CSMD1: variants seen among roughly 807,000 people sequenced by gnomAD.
CSMD1 encodes the protein CUB and Sushi multiple domains 1, also known as CUB and sushi domain-containing protein 1.
CSMD1 carries 213 observed loss-of-function variants against 417.5 expected under a neutral mutation model. That is an observed-to-expected ratio of 0.51 (90% CI 0.46 to 0.57). The LOEUF is 0.57. Among genes scored for constraint, CSMD1 ranks in the 20% least tolerant of loss-of-function variants. The pLI is 0.00. For missense variants in CSMD1, 6,923 were observed against 4,529.7 expected, an observed-to-expected ratio of 1.53 and a Z score of -15.17; for synonymous variants, 2,862 against 1,736.8, an observed-to-expected ratio of 1.65 and a Z score of -16.11.
chr8:3,850,316 C>T (rs1430275039), intron 5 of CSMD1, among the ~76,000 whole-genome samples: 1 of 152,158 alleles, frequency 6.6e-6, no homozygotes, highest in Non-Finnish European at 1.5e-5. Flanking sequence ...GCTTTGTTTT[C>T]CATAGGGTCT....
At chr8:4,772,060 T>C (rs1003330741) in intron 1 of CSMD1, among the ~76,000 whole-genome samples, 5 of 152,178 alleles carry the variant, frequency 3.3e-5, no homozygotes, top group African/African-American at 1.2e-4. Context: ...TAAAACCAGG[T>C]ATCGGCAGGC....
intron 41 of CSMD1, among the ~76,000 whole-genome samples, chr8:3,120,706 G>GT (rs1554431370): frequency 1.4e-5 from 2 of 147,344 alleles, no homozygotes; most frequent in Admixed American, 1.3e-4. Context: ...AATTAGCCAG[G>GT]GGGGGTGACC....
intron 3 of CSMD1, among the ~76,000 whole-genome samples, chr8:4,402,393 C>G (rs953530477): frequency 6.6e-6 from 1 of 152,108 alleles, no homozygotes. Context: ...GCTCTGACCT[C>G]TCCGCTAGCC....
intron 3 of CSMD1, among the ~76,000 whole-genome samples, chr8:4,098,916 A>G (rs1801161588): frequency 6.6e-6 from 1 of 152,238 alleles, no homozygotes; most frequent in East Asian, 1.9e-4. Context: ...AACCAGTATT[A>G]GAGACTGGGG....
At chr8:4,101,771 G>A (rs1801316395) in intron 3 of CSMD1, among the ~76,000 whole-genome samples, 1 of 152,200 alleles carries the variant, frequency 6.6e-6, no homozygotes, top group East Asian at 1.9e-4. Flanking sequence ...GCTTAGGACA[G>A]CAAATGCTGG....
chr8:3,893,456 G>A lies in CSMD1; in HGVS notation c.818+104447C>T, dbSNP rs1271746020. On this transcript the variant is annotated intron_variant, in intron 5 of 69. Coordinates refer to ENST00000635120, the MANE Select transcript of CSMD1 (RefSeq NM_033225.6). ...TGAAACCAATGAGGACAGTATGATA[G>A]CTTTTGCAAAGGATAAAGCAAAAGC... is the stretch of plus-strand genomic sequence containing the variant. Among the ~76,000 whole-genome samples, 3 of 149,814 alleles carry A rather than the reference G, an allele frequency of 2.0e-5. No homozygotes were observed. The Admixed American group carries it at 2.0e-4, about 10-fold the overall frequency.
chr8:3,233,249 A>G (rs914714336), intron 26 of CSMD1, among the ~76,000 whole-genome samples: 2 of 152,142 alleles, frequency 1.3e-5, no homozygotes, highest in East Asian at 1.9e-4. Flanking sequence ...TCATTTGTAA[A>G]TTAGTGGATT....
chr8:4,190,864 C>G (rs558139368), intron 3 of CSMD1, among the ~76,000 whole-genome samples: 1 of 151,596 alleles, frequency 6.6e-6, no homozygotes, highest in South Asian at 2.1e-4. Context: ...AACCAAATAC[C>G]ACATGATCTG....
At chr8:4,792,708 G>A (rs1314022341) in intron 1 of CSMD1, among the ~76,000 whole-genome samples, 2 of 152,136 alleles carry the variant, frequency 1.3e-5, no homozygotes, top group East Asian at 3.9e-4. Context: ...AACAATTCTA[G>A]GAAGAGCTGC....
chr8:3,206,565 ATG>A (rs67690876), intron 30 of CSMD1, among the ~76,000 whole-genome samples: 57,406 of 96,118 alleles, frequency 0.6, 13,524 homozygotes, highest in Non-Finnish European at 0.62. Context: ...CTGTGTGTGT[ATG>A]TGTGTGTGTG....
chr8:4,652,127 G>A (rs934497135), intron 1 of CSMD1, among the ~76,000 whole-genome samples: 1 of 152,154 alleles, frequency 6.6e-6, no homozygotes, highest in Non-Finnish European at 1.5e-5. Context: ...AAGGAGATTA[G>A]GAGAGGCAGA....
chr8:4,181,571 T>A (rs1490518275), intron 3 of CSMD1, among the ~76,000 whole-genome samples: 2 of 152,174 alleles, frequency 1.3e-5, no homozygotes, highest in Non-Finnish European at 2.9e-5. Flanking sequence ...ATGCAAAGCC[T>A]TACTGGGCCA....
chr8:3,293,306 T>G (rs974010738), intron 25 of CSMD1, among the ~76,000 whole-genome samples: 62 of 152,210 alleles, frequency 4.1e-4, no homozygotes, highest in Non-Finnish European at 6.9e-4. Flanking sequence ...TATGTGTCTT[T>G]GAGTTGCTCT....
chr8:3,744,391 G>T (rs1212611320), intron 6 of CSMD1, among the ~76,000 whole-genome samples: 1 of 152,088 alleles, frequency 6.6e-6, no homozygotes, highest in African/African-American at 2.4e-5. Flanking sequence ...TTGGAACCCA[G>T]GTTAATGAAT....
chr8:4,906,623 A>T (rs966769250), intron 1 of CSMD1, among the ~76,000 whole-genome samples: 2 of 152,080 alleles, frequency 1.3e-5, no homozygotes, highest in Admixed American at 1.3e-4. Context: ...CAGTGGCACA[A>T]TCTCAGCTGT....
intron 12 of CSMD1, among the ~76,000 whole-genome samples, chr8:3,426,702 G>C (rs931485909): frequency 6.6e-6 from 1 of 152,146 alleles, no homozygotes; most frequent in Non-Finnish European, 1.5e-5. Context: ...AAACCACTAA[G>C]TCAAATTATT....
At chr8:3,448,934 A>C (rs1030495524) in intron 12 of CSMD1, among the ~76,000 whole-genome samples, 1 of 152,222 alleles carries the variant, frequency 6.6e-6, no homozygotes, top group African/African-American at 2.4e-5. Flanking sequence ...CCTTCCCCCA[A>C]GAGTAAATGT....
At chr8:3,189,807 G>T in intron 34 of CSMD1, 105 bp downstream of exon 34, 1 of 1,045,226 alleles carries the variant, frequency 9.6e-7, no homozygotes, top group Non-Finnish European at 1.4e-6. Context: ...CTTTAAATGG[G>T]TCATGAGCCA....
At chr8:4,179,844 CCAT>C (rs1473518103) in intron 3 of CSMD1, among the ~76,000 whole-genome samples, 1 of 152,108 alleles carries the variant, frequency 6.6e-6, no homozygotes, top group Non-Finnish European at 1.5e-5. Context: ...TCATCACTGG[CCAT>C]CAGAGAAATG....
Sources: gnomAD v4.1 joint callset for allele counts (sites outside exome capture counted in the v4.1 genomes callset) on GRCh38, gnomAD v4.1.1 for gene constraint, MANE v1.5 for transcripts, NCBI Gene and HGNC (gene_info 2026-07-23, HGNC 2026-07-21) for gene names.